SP3: variants seen among roughly 807,000 people sequenced by gnomAD.
SP3 encodes the protein transcription factor Sp3.
A neutral mutation model predicts 70.3 loss-of-function variants in SP3; 10 were observed. That is an observed-to-expected ratio of 0.14 (90% CI 0.09 to 0.24). The LOEUF is 0.24. Ranked by LOEUF, SP3 falls within the 10% of genes least tolerant of loss-of-function variation. SP3 has a pLI of 1.00. For synonymous variants in SP3, 402 were observed against 333.5 expected, an observed-to-expected ratio of 1.21 and a Z score of -2.24; for missense variants, 825 against 914.6, an observed-to-expected ratio of 0.90 and a Z score of 1.26.
At position 173,901,237 on chromosome 2, in the gene SP3, T is replaced by C. The variant is rs1689184537; in HGVS notation, c.*8704A>G. ...AATCATAAAATTTTTAGACAAAAATTTTTATGACAGTAGGTAAAGAATTTC... is the reference window on the plus strand; with the variant it reads ...AATCATAAAATTTTTAGACAAAAATCTTTATGACAGTAGGTAAAGAATTTC... On this transcript the variant is annotated 3_prime_UTR_variant, in exon 7 of 7. Transcript: ENST00000310015. Among the ~76,000 whole-genome samples the C allele has an allele frequency of 6.7e-6, 1 of 149,640 alleles. No homozygotes were observed. The highest frequency in any genetic ancestry group is 1.5e-5 in the Non-Finnish European group (1 of 66,944).
intron 6 of SP3, among the ~76,000 whole-genome samples, chr2:173,912,139 T>A (rs1479611476): frequency 6.6e-6 from 1 of 152,204 alleles, no homozygotes; most frequent in Non-Finnish European, 1.5e-5. Context: ...CTTTCTTAAT[T>A]GTCTGTTGCA....
At chr2:173,965,457 C>T (rs562785722), upstream of SP3, 109 of 400,402 alleles carry the variant, frequency 2.7e-4, no homozygotes, top group African/African-American at 2.1e-3. Context: ...GTCCAGGCGC[C>T]TGTCCGTCGG....
chr2:173,919,714 T>C (rs1006132790), intron 4 of SP3, among the ~76,000 whole-genome samples: 1 of 152,146 alleles, frequency 6.6e-6, no homozygotes, highest in Non-Finnish European at 1.5e-5. Flanking sequence ...GTACAGACTG[T>C]TGGCAAAGAT....
intron 6 of SP3, among the ~76,000 whole-genome samples, chr2:173,910,610 A>C (rs1689452561): frequency 6.6e-6 from 1 of 152,240 alleles, no homozygotes; most frequent in Non-Finnish European, 1.5e-5. Context: ...TTAAAGTCTA[A>C]ATAAAAGTAT....
chr2:173,965,576 G>C (rs935014478), upstream of SP3: 1 of 218,792 alleles, frequency 4.6e-6, no homozygotes, highest in South Asian at 5.6e-5. Flanking sequence ...CGGTTACCCC[G>C]CTGTGCCCGC....
chr2:173,937,133 T>C (rs750836055), intron 4 of SP3, among the ~76,000 whole-genome samples: 2 of 152,232 alleles, frequency 1.3e-5, no homozygotes, highest in Non-Finnish European at 2.9e-5. Context: ...CAGTTGACTA[T>C]TTACATTTTC....
In SP3 at chr2:173,956,380, T is replaced by C. The variant is rs1460242385; in HGVS notation, c.280-148A>G. 5.4e-6 allele frequency: 4 copies of C among 746,942 alleles called. No individual in the cohort carries two copies. The South Asian group carries it at 8.9e-5, about 17-fold the overall frequency. The allele number at this position is 746,942 out of a possible 1,614,324, so 46.3% of individuals were successfully genotyped here. ...GTTCAAATACAGGAGCAGTACTATA[T>C]GAACTACAATAATTATCACTTCCAG... On this transcript the variant is annotated intron_variant, in intron 3 of 6. Coordinates refer to ENST00000310015, the MANE Select transcript of SP3 (RefSeq NM_003111.5).
chr2:173,962,380 T>C (rs1691115741), intron 3 of SP3, among the ~76,000 whole-genome samples: 1 of 152,230 alleles, frequency 6.6e-6, no homozygotes, highest in South Asian at 2.1e-4. Context: ...TTTTTTAAGA[T>C]ACAGTCAATT....
chr2:173,909,224 A>G lies in SP3; in HGVS notation c.*717T>C, dbSNP rs1689408901. 1 of 152,602 alleles carries G rather than the reference A, an allele frequency of 6.6e-6. No individual in the cohort carries two copies. The highest frequency in any genetic ancestry group is 2.1e-4 in the South Asian group (1 of 4,836). The allele number at this position is 152,602 out of a possible 1,614,324, so 9.5% of individuals were successfully genotyped here. On this transcript the variant is annotated 3_prime_UTR_variant, in exon 7 of 7. Transcript: ENST00000310015. ...CAACTTATACATTTTAAACTTTTTT[A>G]AACATTGGTTATATTGCCCAACTTC...
chr2:173,939,877 C>A (rs1690316368), intron 4 of SP3, among the ~76,000 whole-genome samples: 1 of 150,344 alleles, frequency 6.7e-6, no homozygotes, highest in Non-Finnish European at 1.5e-5. Flanking sequence ...AAGGAGGGGG[C>A]ATGGAAAATG....
At chr2:173,948,736 A>C (rs934086947) in intron 4 of SP3, among the ~76,000 whole-genome samples, 2 of 151,902 alleles carry the variant, frequency 1.3e-5, no homozygotes, top group Non-Finnish European at 2.9e-5. Flanking sequence ...TTTTGTAAGC[A>C]AATCAACTTT....
At chr2:173,925,291 C>A (rs1689884024) in intron 4 of SP3, among the ~76,000 whole-genome samples, 1 of 152,104 alleles carries the variant, frequency 6.6e-6, no homozygotes, top group African/African-American at 2.4e-5. Flanking sequence ...CACGGATGAA[C>A]CTCAAGGACA....
At chr2:173,958,796 G>C (rs1173353609) in intron 3 of SP3, among the ~76,000 whole-genome samples, 1 of 150,522 alleles carries the variant, frequency 6.6e-6, no homozygotes, top group Non-Finnish European at 1.5e-5. Flanking sequence ...AAAAAGCTCA[G>C]AACTGAGTTC....
intron 4 of SP3, among the ~76,000 whole-genome samples, chr2:173,939,365 G>T (rs1300188335): frequency 6.6e-6 from 1 of 152,194 alleles, no homozygotes; most frequent in East Asian, 1.9e-4. Flanking sequence ...CCTTGGGATT[G>T]TGCTTTCAGA....
chr2:173,964,862 CCT>C (rs1321350503), intron 1 of SP3: 1 of 493,368 alleles, frequency 2.0e-6, no homozygotes, highest in African/African-American at 2.1e-5. Flanking sequence ...CGCGCTCGCT[CCT>C]CTCGCACCGT....
intron 4 of SP3, among the ~76,000 whole-genome samples, chr2:173,940,417 G>A (rs1287196639): frequency 6.6e-6 from 1 of 152,208 alleles, no homozygotes. Flanking sequence ...TGATGTGACA[G>A]GAGGCGGAGC....
intron 3 of SP3, chr2:173,962,966 T>A (rs568792480): frequency 6.6e-6 from 1 of 152,348 alleles, no homozygotes; most frequent in African/African-American, 2.4e-5. Context: ...TCCCACCATA[T>A]CTTACCTGAC....
chr2:173,961,436 T>C (rs1489786063), intron 3 of SP3, among the ~76,000 whole-genome samples: 2 of 152,168 alleles, frequency 1.3e-5, no homozygotes, highest in African/African-American at 2.4e-5. Context: ...AACACAACAA[T>C]ATATATGCAA....
intron 4 of SP3, among the ~76,000 whole-genome samples, chr2:173,924,244 A>AT (rs1486667247): frequency 6.6e-6 from 1 of 152,146 alleles, no homozygotes; most frequent in Non-Finnish European, 1.5e-5. Flanking sequence ...TTAACCTTTC[A>AT]TTTTTATAGC....
Sources: allele counts gnomAD v4.1 joint callset (sites outside exome capture counted in the v4.1 genomes callset), GRCh38; gene constraint gnomAD v4.1.1; transcripts MANE v1.5; gene names NCBI Gene and HGNC (gene_info 2026-07-23, HGNC 2026-07-21).